HLCS: variants seen among roughly 807,000 people sequenced by gnomAD.
HLCS encodes biotin--protein ligase.
HLCS carries 53 observed loss-of-function variants against 75.0 expected under a neutral mutation model. The ratio of observed to expected loss-of-function variants is 0.71; its 90% CI spans 0.57 to 0.89. The LOEUF (loss-of-function observed/expected upper bound fraction) is 0.89. Among genes scored for constraint, HLCS ranks in the 40% least tolerant of loss-of-function variants. The pLI is 0.00. For synonymous variants in HLCS, 431 were observed against 428.6 expected, an observed-to-expected ratio of 1.01 and a Z score of -0.07; for missense variants, 966 against 1,074.0, an observed-to-expected ratio of 0.90 and a Z score of 1.41.
chr21:36,757,479 T>C (rs1463305684), intron 9 of HLCS, among the ~76,000 whole-genome samples: 4 of 152,118 alleles, frequency 2.6e-5, no homozygotes, highest in Non-Finnish European at 5.9e-5. Flanking sequence ...TGGACTTCAG[T>C]GTTCAGCAGG....
chr21:36,826,899 A>T (rs1385821324), intron 6 of HLCS, among the ~76,000 whole-genome samples: 1 of 152,222 alleles, frequency 6.6e-6, no homozygotes, highest in East Asian at 1.9e-4. Flanking sequence ...AACAGAGGTG[A>T]CAGAGGATCC....
intron 6 of HLCS, among the ~76,000 whole-genome samples, chr21:36,825,736 C>T (rs951259522): frequency 6.6e-6 from 1 of 152,162 alleles, no homozygotes; most frequent in Admixed American, 6.5e-5. Context: ...CTCCAGACGT[C>T]GGCAATGCCA....
chr21:36,819,352 C>T (rs1340411649), intron 6 of HLCS, among the ~76,000 whole-genome samples: 1 of 152,140 alleles, frequency 6.6e-6, no homozygotes, highest in Non-Finnish European at 1.5e-5. Flanking sequence ...ATGATCCTGC[C>T]CACTTTGTTT....
chr21:36,836,553 A>T (rs1306079306), intron 6 of HLCS, among the ~76,000 whole-genome samples: 1 of 149,040 alleles, frequency 6.7e-6, no homozygotes, highest in Non-Finnish European at 1.5e-5. Flanking sequence ...CAGCAAAAGA[A>T]ACTACCATCA....
Position 36,936,591 on chromosome 21 carries a change from A to G in HLCS, c.1295T>C (p.Leu432Ser), listed in dbSNP as rs373572167. Residue 432 changes from leucine (L) to serine (S), a missense_variant, in exon 4 of 11, where the codon TTG (leucine) becomes TCG (serine). Coordinates refer to ENST00000674895, the MANE Select transcript of HLCS (RefSeq NM_001352514.2). Reference sequence around the variant, plus strand: ...TTCCTGGTACCTGCAGCCACTGCTCAAGACGCTGAGCTTCACCTCGCTCTG... The same window carrying G: ...TTCCTGGTACCTGCAGCCACTGCTCGAGACGCTGAGCTTCACCTCGCTCTG... ...ADQSEVKLSV[L>S]SSGCRYQEGP... The G allele has an allele frequency of 1.0e-4, 166 of 1,614,094 alleles. No homozygotes were observed. Among genetic ancestry groups the G allele is most frequent in the Non-Finnish European group, 1.4e-4 (162 of 1,180,034 alleles).
At position 36,943,817 on chromosome 21, in the gene HLCS, T is replaced by TAA. The variant is rs5843782; in HGVS notation, c.331-4825_331-4824dup. On this transcript the variant is annotated intron_variant, in intron 2 of 10. Coordinates refer to ENST00000674895, the MANE Select transcript of HLCS (RefSeq NM_001352514.2). ...CTGGGCAACAGAGTGAGACCCTGTC[T>TAA]AAAAAAAAAAAAAAAATCTGAGGGT... 24 of 141,920 alleles carry TAA rather than the reference T, an allele frequency of 1.7e-4. No individual in the cohort carries two copies. In the South Asian group the frequency reaches 4.1e-3, roughly 24 times the overall value. 8.8% of individuals were successfully genotyped at this position (141,920 alleles called of 1,614,324 possible).
intron 6 of HLCS, among the ~76,000 whole-genome samples, chr21:36,845,234 G>A (rs898311480): frequency 2.6e-5 from 4 of 151,990 alleles, no homozygotes; most frequent in Non-Finnish European, 5.9e-5. Flanking sequence ...GCTCACAGCC[G>A]GCCACTCGGC....
chr21:36,833,552 T>C (rs914401285), intron 6 of HLCS, among the ~76,000 whole-genome samples: 15 of 149,822 alleles, frequency 1.0e-4, no homozygotes, highest in Non-Finnish European at 8.9e-5. Flanking sequence ...GCCACTGCAC[T>C]CCAGCCTGAG....
intron 5 of HLCS, among the ~76,000 whole-genome samples, chr21:36,921,723 C>A (rs2066176726): frequency 6.6e-6 from 1 of 152,138 alleles, no homozygotes; most frequent in Non-Finnish European, 1.5e-5. Flanking sequence ...GCCAAAGCAG[C>A]CCTCCTCTTC....
chr21:36,950,510 C>T (rs1167895985), intron 2 of HLCS, among the ~76,000 whole-genome samples: 1 of 151,924 alleles, frequency 6.6e-6, no homozygotes, highest in East Asian at 1.9e-4. Context: ...AGCTTTGTCA[C>T]CCAGCCTAGA....
intron 5 of HLCS, among the ~76,000 whole-genome samples, chr21:36,900,673 T>C (rs2065201545): frequency 6.6e-6 from 1 of 151,992 alleles, no homozygotes; most frequent in African/African-American, 2.4e-5. Context: ...AGAAACTAGT[T>C]ATAAAGTCAC....
At chr21:36,784,258 G>A in intron 6 of HLCS, among the ~76,000 whole-genome samples, 1 of 151,542 alleles carries the variant, frequency 6.6e-6, no homozygotes, top group East Asian at 1.9e-4. Flanking sequence ...GACTCACTAG[G>A]AAAGAATCTT....
At chr21:36,916,394 A>C (rs1429109058) in intron 5 of HLCS, among the ~76,000 whole-genome samples, 2 of 151,902 alleles carry the variant, frequency 1.3e-5, no homozygotes, top group Non-Finnish European at 2.9e-5. Flanking sequence ...TTGCTTGCTC[A>C]ACATGTTCCT....
intron 6 of HLCS, among the ~76,000 whole-genome samples, chr21:36,824,169 G>T (rs1202537293): frequency 6.6e-6 from 1 of 152,062 alleles, no homozygotes; most frequent in African/African-American, 2.4e-5. Context: ...TATTCACAAT[G>T]GCAAAGACAT....
chr21:36,810,555 T>G (rs1424412564), intron 6 of HLCS, among the ~76,000 whole-genome samples: 1 of 152,182 alleles, frequency 6.6e-6, no homozygotes, highest in Non-Finnish European at 1.5e-5. Context: ...TAAACTTGCC[T>G]GCTTCTGCTC....
chr21:36,798,319 T>C (rs549194482), intron 6 of HLCS, among the ~76,000 whole-genome samples: 1 of 152,362 alleles, frequency 6.6e-6, no homozygotes, highest in South Asian at 2.1e-4. Context: ...GATTCACCCA[T>C]GCTGTCACAC....
chr21:36,945,974 T>C (rs1241878135), intron 2 of HLCS: 2 of 242,946 alleles, frequency 8.2e-6, no homozygotes, highest in African/African-American at 4.6e-5. Flanking sequence ...CATGCTTCAA[T>C]GTCCTGTCTG....
chr21:36,950,318 AAT>A (rs1195875407), intron 2 of HLCS, among the ~76,000 whole-genome samples: 1 of 152,244 alleles, frequency 6.6e-6, no homozygotes, highest in African/African-American at 2.4e-5. Context: ...CAAGAAAACC[AAT>A]AGCATGGATG....
rs2089320037 is a variant in HLCS at position 36,750,085 on chromosome 21, G to GT, written c.*4160dup. On this transcript the variant is annotated 3_prime_UTR_variant, in exon 11 of 11. Coordinates refer to ENST00000674895, the MANE Select transcript of HLCS (RefSeq NM_001352514.2). ...GGCTGAGTGTGAAGTCAGCAGAGCTGTTACTGTGGCAACCTAATATTGTGA... is the reference window on the plus strand; with the variant it reads ...GGCTGAGTGTGAAGTCAGCAGAGCTGTTTACTGTGGCAACCTAATATTGTGA... Among the ~76,000 whole-genome samples the GT allele has an allele frequency of 6.6e-6, 1 of 152,230 alleles. No individual in the cohort carries two copies. The highest frequency in any genetic ancestry group is 1.5e-5 in the Non-Finnish European group (1 of 68,032).
Sources: allele counts gnomAD v4.1 joint callset (sites outside exome capture counted in the v4.1 genomes callset), GRCh38; gene constraint gnomAD v4.1.1; transcripts MANE v1.5; gene names NCBI Gene and HGNC (gene_info 2026-07-23, HGNC 2026-07-21).